Variants in STK32C observed in about 807,000 individuals in gnomAD.
STK32C encodes serine/threonine-protein kinase 32C.
In STK32C, 31 loss-of-function variants were observed where a neutral mutation model predicts 56.5. That is an observed-to-expected ratio of 0.55 (90% confidence interval 0.41 to 0.74). STK32C has a LOEUF of 0.74. STK32C is among the 30% of genes least tolerant of loss of function. The pLI, the probability that STK32C is intolerant of heterozygous loss-of-function variation, is 0.00. For synonymous variants in STK32C, 309 were observed against 289.4 expected, an observed-to-expected ratio of 1.07 and a Z score of -0.69; for missense variants, 544 against 676.9, an observed-to-expected ratio of 0.80 and a Z score of 2.18.
At chr10:132,304,869 C>T (rs1285314061) in intron 1 of STK32C, among the ~76,000 whole-genome samples, 1 of 152,246 alleles carries the variant, frequency 6.6e-6, no homozygotes, top group Non-Finnish European at 1.5e-5. Context: ...GAAGGCAAAG[C>T]CCCTCAGGGA....
intron 1 of STK32C, among the ~76,000 whole-genome samples, chr10:132,285,254 A>G (rs919081266): frequency 3.9e-5 from 6 of 152,236 alleles, no homozygotes; most frequent in Non-Finnish European, 8.8e-5. Flanking sequence ...GGAGCTCCAC[A>G]AAGAGCTCAA....
At chr10:132,327,360 CT>C (rs34083884) in intron 1 of STK32C, among the ~76,000 whole-genome samples, 2 of 152,278 alleles carry the variant, frequency 1.3e-5, no homozygotes, top group East Asian at 1.9e-4. Context: ...TCCATTAAAC[CT>C]TTTTTTCTTC....
Position 132,242,058 on chromosome 10 carries a change from C to A in STK32C, c.318+3842G>T, listed in dbSNP as rs2063520455. ...CTGGGAGGTGGATGTCGCAGTGAGC[C>A]GAGATCACGCCACTGCACTTTAGCC... On this transcript the variant is annotated intron_variant, in intron 2 of 11. Transcript: ENST00000298630. Among the ~76,000 whole-genome samples the A allele has an allele frequency of 2.0e-5, 3 of 151,578 alleles. No individual in the cohort carries two copies. The South Asian group carries it at 6.2e-4, about 32-fold the overall frequency.
intron 1 of STK32C, among the ~76,000 whole-genome samples, chr10:132,265,521 C>A (rs976459290): frequency 1.3e-5 from 2 of 152,162 alleles, no homozygotes; most frequent in Non-Finnish European, 2.9e-5. Flanking sequence ...GAGGAGAGGA[C>A]ACGGTGCAGA....
At position 132,226,930 on chromosome 10, in the gene STK32C, A is replaced by C; in HGVS notation, c.509T>G (p.Val170Gly). The part of the protein sequence containing the change: ...FQDEEDMFMV[V>G]DLLLGGDLRY... Reference sequence around the variant, plus strand: ...CAGGTCCCCGCCCAGTAGCAGGTCCACGACCATGAACATGTCCTCCTCGTC... The same window carrying C: ...CAGGTCCCCGCCCAGTAGCAGGTCCCCGACCATGAACATGTCCTCCTCGTC... Residue 170 changes from valine to glycine, a missense_variant, in exon 4 of 12, where the codon GTG becomes GGG. Around this residue, in one of 3 missense-constraint regions of STK32C, gnomAD observed 85 missense variants for 149.9 expected, o/e 0.57. Transcript: ENST00000298630. 1.2e-6 allele frequency: 2 copies of C among 1,613,430 alleles called. No individual in the cohort carries two copies. The highest frequency in any genetic ancestry group is 1.7e-6 in the Non-Finnish European group (2 of 1,180,016).
At chr10:132,294,769 T>C (rs2065683712) in intron 1 of STK32C, among the ~76,000 whole-genome samples, 1 of 151,954 alleles carries the variant, frequency 6.6e-6, no homozygotes, top group Non-Finnish European at 1.5e-5. Flanking sequence ...GGACAGCTCT[T>C]CCCCCCAGAG....
intron 2 of STK32C, among the ~76,000 whole-genome samples, chr10:132,233,027 ACCTCCTAAT>A (rs1206736306): frequency 1.3e-5 from 2 of 152,134 alleles, no homozygotes; most frequent in Non-Finnish European, 2.9e-5. Context: ...TAATGAAACC[ACCTCCTAAT>A]CCTTCCTGGG....
intron 1 of STK32C, among the ~76,000 whole-genome samples, chr10:132,254,780 G>C (rs933006553): frequency 3.9e-5 from 6 of 151,998 alleles, no homozygotes; most frequent in African/African-American, 1.5e-4. Context: ...TGTCACCCCG[G>C]CACAATGCGT....
At chr10:132,311,587 C>T (rs1590485104), upstream of STK32C, among the ~76,000 whole-genome samples, 2 of 152,330 alleles carry the variant, frequency 1.3e-5, no homozygotes, top group South Asian at 4.1e-4. This position sits in a 1 kb window ranked among gnomAD's most constrained non-coding sequence, Gnocchi z 4.4. Flanking sequence ...GGAGAACATG[C>T]AGGACGGGCT....
chr10:132,220,300 C>T (rs776685011), intron 10 of STK32C, among the ~76,000 whole-genome samples: 3 of 152,208 alleles, frequency 2.0e-5, no homozygotes. Flanking sequence ...CAGCCTCTAC[C>T]GGAGGGTAGA....
intron 1 of STK32C, among the ~76,000 whole-genome samples, chr10:132,327,948 G>T (rs571209778): frequency 6.6e-6 from 1 of 152,234 alleles, no homozygotes; most frequent in East Asian, 1.9e-4. Context: ...GAGTGAGGGG[G>T]CAGAAAGTGC....
At chr10:132,291,918 T>C (rs1051200984) in intron 1 of STK32C, among the ~76,000 whole-genome samples, 1 of 152,106 alleles carries the variant, frequency 6.6e-6, no homozygotes, top group Admixed American at 6.5e-5. Flanking sequence ...AGGTGGTGTG[T>C]CTCCCCTCTC....
chr10:132,217,950 G>A (rs2062520564), intron 10 of STK32C, among the ~76,000 whole-genome samples: 1 of 152,084 alleles, frequency 6.6e-6, no homozygotes, highest in African/African-American at 2.4e-5. Flanking sequence ...TTGTTGCCCA[G>A]GCTGGTCTCA....
At chr10:132,262,753 CAAAAA>C (rs34135037) in intron 1 of STK32C, among the ~76,000 whole-genome samples, 1 of 73,382 alleles carries the variant, frequency 1.4e-5, no homozygotes, top group Non-Finnish European at 2.7e-5. Flanking sequence ...GACTCCATCT[CAAAAA>C]AAAAAAAAAA....
intron 1 of STK32C, among the ~76,000 whole-genome samples, chr10:132,265,528 CAG>C (rs1239612846): frequency 2.0e-5 from 3 of 152,148 alleles, no homozygotes; most frequent in Admixed American, 6.5e-5. Context: ...GGACACGGTG[CAG>C]AGAGACGGAG....
At chr10:132,234,706 C>T (rs1379274265) in intron 2 of STK32C, among the ~76,000 whole-genome samples, 1 of 152,164 alleles carries the variant, frequency 6.6e-6, no homozygotes. Context: ...TCAGGGACCA[C>T]CTCTTCTTGC....
At chr10:132,241,831 G>C (rs1337966119) in intron 2 of STK32C, among the ~76,000 whole-genome samples, 1 of 152,166 alleles carries the variant, frequency 6.6e-6, no homozygotes, top group Non-Finnish European at 1.5e-5. Context: ...TTCCAGCCAC[G>C]AGCAGCGGCT....
chr10:132,315,325 G>C (rs2066292122), intron 1 of STK32C, among the ~76,000 whole-genome samples: 1 of 152,094 alleles, frequency 6.6e-6, no homozygotes, highest in South Asian at 2.1e-4. Flanking sequence ...TGGGGGTTTG[G>C]GGGCAAGGGG....
At chr10:132,220,504 G>A (rs554341796) in intron 10 of STK32C, among the ~76,000 whole-genome samples, 53 of 152,136 alleles carry the variant, frequency 3.5e-4, no homozygotes, top group Non-Finnish European at 6.2e-4. Context: ...GTCCACATTG[G>A]GAACACCACG....
Sources: allele counts gnomAD v4.1 joint callset (sites outside exome capture counted in the v4.1 genomes callset), GRCh38; gene constraint gnomAD v4.1.1; regional missense constraint gnomAD v4.1.1; non-coding constraint Gnocchi (gnomAD v3.1); transcripts MANE v1.5; gene names NCBI Gene and HGNC (gene_info 2026-07-23, HGNC 2026-07-21).